The following SLC8A1 variants were observed in gnomAD, a reference collection of about 807,000 sequenced individuals.
The protein encoded by SLC8A1 is solute carrier family 8 member A1, also known as sodium/calcium exchanger 1.
SLC8A1 carries 18 observed loss-of-function variants against 68.3 expected under a neutral mutation model. The ratio of observed to expected loss-of-function variants is 0.26; its 90% CI spans 0.18 to 0.39. The LOEUF (loss-of-function observed/expected upper bound fraction) is 0.39. Ranked by LOEUF, SLC8A1 falls within the 10% of genes least tolerant of loss-of-function variation. The probability of loss-of-function intolerance (pLI) is 1.00; values close to 1 mark genes in which losing one functional copy is unlikely to be tolerated. For missense variants in SLC8A1, 985 were observed against 1,156.7 expected (o/e 0.85, Z 2.15); for synonymous variants, 475 against 415.5 (o/e 1.14, Z -1.74).
chr2:40,156,511 G>C, intron 6 of SLC8A1, among the ~76,000 whole-genome samples: 1 of 148,602 alleles, frequency 6.7e-6, no homozygotes, highest in South Asian at 2.1e-4. Flanking sequence ...AAAGAAAGAG[G>C]GAGGAGTGTG....
chr2:40,139,290 T>G (rs2041124222), intron 7 of SLC8A1, 111 bp downstream of exon 10: 5 of 1,232,812 alleles, frequency 4.1e-6, no homozygotes, highest in Non-Finnish European at 5.7e-6. Context: ...GCTCTCGTCT[T>G]TCATAGGTCT....
intron 1 of SLC8A1, among the ~76,000 whole-genome samples, chr2:40,436,170 A>T (rs894725201): frequency 8.6e-5 from 13 of 150,766 alleles, no homozygotes; most frequent in African/African-American, 2.7e-4. Context: ...AGGGATTTTC[A>T]TTTCTTTTTT....
chr2:40,512,140 C>T (rs529604686), intron 1 of SLC8A1, among the ~76,000 whole-genome samples: 47 of 152,280 alleles, frequency 3.1e-4, no homozygotes, highest in African/African-American at 1.1e-3. Context: ...TGTGTTGCCA[C>T]TTTCCTTCCG....
At chr2:40,259,134 C>G (rs1470156984) in intron 2 of SLC8A1, among the ~76,000 whole-genome samples, 2 of 152,116 alleles carry the variant, frequency 1.3e-5, no homozygotes, top group African/African-American at 4.8e-5. Context: ...CTGGATGGCT[C>G]AGAGTTGAAA....
chr2:40,400,651 G>A (rs141025975), intron 2 of SLC8A1, among the ~76,000 whole-genome samples: 1 of 152,152 alleles, frequency 6.6e-6, no homozygotes, highest in East Asian at 1.9e-4. Flanking sequence ...ACTCAGTGGG[G>A]AATGAACTAC....
At chr2:40,239,953 T>A (rs1036176095) in intron 2 of SLC8A1, among the ~76,000 whole-genome samples, 1 of 152,222 alleles carries the variant, frequency 6.6e-6, no homozygotes, top group East Asian at 1.9e-4. Flanking sequence ...TTGTAACCAC[T>A]GCTTCACCTC....
chr2:40,505,974 T>G (rs1475133211), intron 1 of SLC8A1, among the ~76,000 whole-genome samples: 1 of 151,998 alleles, frequency 6.6e-6, no homozygotes. Context: ...GTCTGGTTTC[T>G]AAACCATCGT....
At chr2:40,358,647 AATTG>A (rs1288809311) in intron 2 of SLC8A1, among the ~76,000 whole-genome samples, 1 of 152,194 alleles carries the variant, frequency 6.6e-6, no homozygotes, top group African/African-American at 2.4e-5. Flanking sequence ...TCACCCATTC[AATTG>A]ATTGATTCAT....
At chr2:40,410,480 A>C (rs753904843) in intron 2 of SLC8A1, among the ~76,000 whole-genome samples, 1 of 152,128 alleles carries the variant, frequency 6.6e-6, no homozygotes, top group Non-Finnish European at 1.5e-5. Flanking sequence ...TTTAGAGATA[A>C]TCTATTTGCA....
intron 2 of SLC8A1, among the ~76,000 whole-genome samples, chr2:40,359,708 T>C (rs1240198534): frequency 1.3e-5 from 2 of 152,088 alleles, no homozygotes; most frequent in South Asian, 2.1e-4. Context: ...GCAGAAATCA[T>C]GTTGGGAAAA....
At chr2:40,421,766 G>T (rs1324273797) in intron 2 of SLC8A1, among the ~76,000 whole-genome samples, 1 of 152,128 alleles carries the variant, frequency 6.6e-6, no homozygotes, top group Non-Finnish European at 1.5e-5. Context: ...CAGGAGAAAG[G>T]CAGGAAATGA....
At chr2:40,510,044 T>G (rs1269061216) in intron 1 of SLC8A1, among the ~76,000 whole-genome samples, 1 of 152,138 alleles carries the variant, frequency 6.6e-6, no homozygotes, top group East Asian at 1.9e-4. Context: ...GCCAGGAGGG[T>G]CTCGATCTCT....
At chr2:40,313,347 CTAATAGA>C (rs1336045669) in intron 2 of SLC8A1, among the ~76,000 whole-genome samples, 4 of 152,002 alleles carry the variant, frequency 2.6e-5, no homozygotes, top group African/African-American at 9.7e-5. Flanking sequence ...TATTCACTTG[CTAATAGA>C]TATCTAGGTT....
intron 3 of SLC8A1, among the ~76,000 whole-genome samples, chr2:40,177,134 T>C (rs1379659132): frequency 1.3e-5 from 2 of 152,192 alleles, no homozygotes; most frequent in Non-Finnish European, 2.9e-5. Flanking sequence ...TTTGGTTTCA[T>C]AGATATGGTG....
At chr2:40,213,666 C>A (rs2056989864) in intron 2 of SLC8A1, among the ~76,000 whole-genome samples, 1 of 152,140 alleles carries the variant, frequency 6.6e-6, no homozygotes. Context: ...ATTTTTTCCC[C>A]CGTCATCTCA....
intron 2 of SLC8A1, among the ~76,000 whole-genome samples, chr2:40,366,414 C>A (rs968437538): frequency 6.6e-6 from 1 of 151,944 alleles, no homozygotes; most frequent in African/African-American, 2.4e-5. Flanking sequence ...GAATATAAAA[C>A]CCACAATAAT....
exon 8 of SLC8A1, chr2:40,104,078 T>C (rs1048748424): frequency 3.9e-5 from 6 of 152,216 alleles, no homozygotes; most frequent in African/African-American, 1.4e-4. Context: ...TAAAGATTCC[T>C]TTTCCAAAGA....
chr2:40,407,218 A>T (rs1022108474), intron 2 of SLC8A1, among the ~76,000 whole-genome samples: 1 of 152,066 alleles, frequency 6.6e-6, no homozygotes, highest in African/African-American at 2.4e-5. Context: ...GGTGCCCACC[A>T]CCGGGCATGG....
At chr2:40,142,134 C>A (rs1430331519) in intron 6 of SLC8A1, among the ~76,000 whole-genome samples, 2 of 152,190 alleles carry the variant, frequency 1.3e-5, no homozygotes, top group Admixed American at 6.5e-5. Context: ...CTCAGTGTTT[C>A]TATTACCTAC....
Sources: allele counts gnomAD v4.1 joint callset (sites outside exome capture counted in the v4.1 genomes callset), GRCh38; gene constraint gnomAD v4.1.1; transcripts MANE v1.5; gene names NCBI Gene and HGNC (gene_info 2026-07-23, HGNC 2026-07-21).